CXCR5: variants seen among roughly 807,000 people sequenced by gnomAD.
CXCR5 encodes C-X-C chemokine receptor type 5.
CXCR5 carries 3 observed loss-of-function variants against 5.6 expected under a neutral mutation model. The ratio of observed to expected loss-of-function variants is 0.54; its 90% CI spans 0.24 to 1.39. The LOEUF (loss-of-function observed/expected upper bound fraction) is 1.39. Ranked by LOEUF, CXCR5 falls within the 40% of genes most tolerant of loss-of-function variation. The pLI is 0.16. For missense variants in CXCR5, 333 were observed against 494.6 expected, an observed-to-expected ratio of 0.67 and a Z score of 3.10; for synonymous variants, 218 against 219.9, an observed-to-expected ratio of 0.99 and a Z score of 0.08.
Position 118,894,090 on chromosome 11 carries a change from G to A in CXCR5, c.546G>A (p.Leu182=). ...GGCTGGTGGGCTTCCTCCTTGCCTTGCCAGAGATTCTCTTCGCCAAAGTCA... is the reference window on the plus strand; with the variant it reads ...GGCTGGTGGGCTTCCTCCTTGCCTTACCAGAGATTCTCTTCGCCAAAGTCA... ...TIWLVGFLLA[L]PEILFAKVSQ... The change falls in exon 2 of 2, where the codon TTG becomes TTA. Residue 182 remains leucine (L), a synonymous_variant. Coordinates refer to ENST00000292174, the MANE Select transcript of CXCR5 (RefSeq NM_001716.5). The surrounding 1 kb of genome is among the most constrained non-coding windows in gnomAD (Gnocchi z 6.1). 1 of 1,613,964 alleles carries A rather than the reference G, an allele frequency of 6.2e-7. No individual in the cohort carries two copies. Among genetic ancestry groups the A allele is most frequent in the Non-Finnish European group, 8.5e-7 (1 of 1,180,024 alleles).
chr11:118,891,617 C>T (rs1454875119), intron 1 of CXCR5, among the ~76,000 whole-genome samples: 12 of 151,850 alleles, frequency 7.9e-5, no homozygotes, highest in Admixed American at 7.9e-4. Flanking sequence ...GCCTGTAATC[C>T]CACCACTTTG....
In CXCR5 at chr11:118,894,498, C is replaced by T; in HGVS notation, c.954C>T (p.Asn318=). ...TGGGCCTGGCCCACTGCTGCCTCAA[C>T]CCCATGCTCTACACTTTCGCCGGCG... ...EFLGLAHCCL[N]PMLYTFAGVK... Residue 318 remains asparagine (N), a synonymous_variant, in exon 2 of 2, where the codon AAC becomes AAT. Transcript: ENST00000292174. This position sits in a 1 kb window ranked among gnomAD's most constrained non-coding sequence, Gnocchi z 6.1. 6.2e-7 allele frequency: 1 copy of T among 1,606,596 alleles called. No individual in the cohort carries two copies. Among genetic ancestry groups the T allele is most frequent in the Non-Finnish European group, 8.5e-7 (1 of 1,175,164 alleles).
chr11:118,886,659 G>A (rs1046475853), intron 1 of CXCR5: 7 of 297,936 alleles, frequency 2.3e-5, no homozygotes, highest in Non-Finnish European at 3.9e-5. Context: ...TGCGACCCTC[G>A]ATCTGAGAGC....
intron 1 of CXCR5, chr11:118,887,122 C>A (rs560798555): frequency 1.5e-5 from 7 of 474,884 alleles, no homozygotes; most frequent in Non-Finnish European, 1.9e-5. Context: ...GGGTCAGGGT[C>A]AAAGTGAATA....
chr11:118,892,855 A>C (rs1939834998), intron 1 of CXCR5, among the ~76,000 whole-genome samples: 1 of 152,060 alleles, frequency 6.6e-6, no homozygotes, highest in African/African-American at 2.4e-5. Context: ...TCCTAGCTGC[A>C]GGGAGGTTGC....
rs598207 is a variant in CXCR5 at position 118,894,558 on chromosome 11, G to A, written c.1014G>A (p.Thr338=). 8.3e-6 allele frequency: 13 copies of A among 1,561,256 alleles called. No homozygotes were observed. The highest frequency in any genetic ancestry group is 1.7e-4 in the Middle Eastern group (1 of 5,828). The stretch of plus-strand genomic sequence containing the variant: ...GCAGTGACCTGTCGCGGCTCCTGAC[G>A]AAGCTGGGCTGTACCGGCCCTGCCT... The part of the protein sequence containing the change: ...KFRSDLSRLL[T]KLGCTGPASL... The change falls in exon 2 of 2, where the codon ACG becomes ACA. Residue 338 remains threonine (T), a synonymous_variant. Coordinates refer to ENST00000292174, the MANE Select transcript of CXCR5 (RefSeq NM_001716.5). This position sits in a 1 kb window ranked among gnomAD's most constrained non-coding sequence, Gnocchi z 6.1.
chr11:118,889,044 G>C (rs543894481), intron 1 of CXCR5, among the ~76,000 whole-genome samples: 2 of 152,278 alleles, frequency 1.3e-5, no homozygotes, highest in East Asian at 3.9e-4. Flanking sequence ...TGGAGGGAAG[G>C]AGAAGAGTAA....
In CXCR5 at chr11:118,894,082, C is replaced by T. The variant is rs757384100; in HGVS notation, c.538C>T (p.Leu180Phe). ...GACCATCTGGCTGGTGGGCTTCCTC[C>T]TTGCCTTGCCAGAGATTCTCTTCGC... ...CGTIWLVGFL[L>F]ALPEILFAKV... The change falls in exon 2 of 2, where the codon CTT becomes TTT. Residue 180 changes from leucine (L) to phenylalanine (F), a missense_variant. Transcript: ENST00000292174. This position sits in a 1 kb window ranked among gnomAD's most constrained non-coding sequence, Gnocchi z 6.1. 1 of 1,614,036 alleles carries T rather than the reference C, an allele frequency of 6.2e-7. No individual in the cohort carries two copies. The highest frequency in any genetic ancestry group is 2.2e-5 in the East Asian group (1 of 44,876).
chr11:118,884,049 C>G, intron 1 of CXCR5, 57 bp downstream of exon 1: 2 of 1,560,160 alleles, frequency 1.3e-6, no homozygotes, highest in African/African-American at 2.7e-5. Context: ...TTCTAACATC[C>G]TTTGCCAGAG....
chr11:118,883,979 A>T lies in CXCR5; in HGVS notation c.38A>T (p.Asn13Ile). Residue 13 changes from asparagine to isoleucine, a missense_variant, in exon 1 of 2, where the codon AAC becomes ATC. Coordinates refer to ENST00000292174, the MANE Select transcript of CXCR5 (RefSeq NM_001716.5). The stretch of plus-strand genomic sequence containing the variant: ...CTAACGCTGGAAATGGACCTCGAGA[A>T]CCTGGAGGACCTGGTGAGTAGACAC... ...YPLTLEMDLE[N>I]LEDLFWELDR... 1 of 1,612,560 alleles carries T rather than the reference A, an allele frequency of 6.2e-7. No homozygotes were observed. Among genetic ancestry groups the T allele is most frequent in the Non-Finnish European group, 8.5e-7 (1 of 1,179,190 alleles).
At position 118,894,125 on chromosome 11, in the gene CXCR5, A is replaced by G; in HGVS notation, c.581A>G (p.His194Arg). ...CTCTTCGCCAAAGTCAGCCAAGGCC[A>G]TCACAACAACTCCCTGCCACGTTGC... ...EILFAKVSQG[H>R]HNNSLPRCTF... The change falls in exon 2 of 2, where the codon CAT (histidine) becomes CGT (arginine). Residue 194 changes from histidine (H) to arginine (R), a missense_variant. Coordinates refer to ENST00000292174, the MANE Select transcript of CXCR5 (RefSeq NM_001716.5). The surrounding 1 kb of genome is among the most constrained non-coding windows in gnomAD (Gnocchi z 6.1). 6.2e-7 allele frequency: 1 copy of G among 1,614,088 alleles called. No individual in the cohort carries two copies. The highest frequency in any genetic ancestry group is 8.5e-7 in the Non-Finnish European group (1 of 1,180,028).
chr11:118,893,655 C>T lies in CXCR5; in HGVS notation c.111C>T (p.Leu37=), dbSNP rs1381362884. 1 of 1,612,876 alleles carries T rather than the reference C, an allele frequency of 6.2e-7. No homozygotes were observed. The highest frequency in any genetic ancestry group is 8.5e-7 in the Non-Finnish European group (1 of 1,179,096). ...ACACCTCCCTGGTGGAAAATCATCT[C>T]TGCCCTGCCACAGAGGGGCCCCTCA... The part of the protein sequence containing the change: ...YNDTSLVENH[L]CPATEGPLMA... The change falls in exon 2 of 2, where the codon CTC becomes CTT. Residue 37 remains leucine (L), a synonymous_variant. Coordinates refer to ENST00000292174, the MANE Select transcript of CXCR5 (RefSeq NM_001716.5). The surrounding 1 kb of genome is among the most constrained non-coding windows in gnomAD (Gnocchi z 5.7).
intron 1 of CXCR5, chr11:118,887,707 T>G: frequency 6.6e-6 from 1 of 152,490 alleles, no homozygotes; most frequent in Non-Finnish European, 1.5e-5. Flanking sequence ...CAGCCCAGTC[T>G]CATTTCTCCA....
At chr11:118,884,048 C>T in intron 1 of CXCR5, 56 bp downstream of exon 1, 1 of 1,561,296 alleles carries the variant, frequency 6.4e-7, no homozygotes. Context: ...ATTCTAACAT[C>T]CTTTGCCAGA....
chr11:118,887,378 G>C (rs1343052943), intron 1 of CXCR5: 2 of 985,430 alleles, frequency 2.0e-6, no homozygotes, highest in East Asian at 2.3e-4. Flanking sequence ...CTGCATCTTG[G>C]ACTGTGTGAC....
chr11:118,892,518 G>A (rs1243878378), intron 1 of CXCR5, among the ~76,000 whole-genome samples: 2 of 152,140 alleles, frequency 1.3e-5, no homozygotes, highest in African/African-American at 4.8e-5. Context: ...GAATTGCCTG[G>A]GGAGGGGCTT....
intron 1 of CXCR5, among the ~76,000 whole-genome samples, chr11:118,892,383 G>A (rs1939824073): frequency 6.6e-6 from 1 of 152,124 alleles, no homozygotes; most frequent in Non-Finnish European, 1.5e-5. Context: ...CTCCTGAAAT[G>A]GGGGCACCAT....
At chr11:118,890,215 C>T (rs973709570) in intron 1 of CXCR5, among the ~76,000 whole-genome samples, 15 of 152,126 alleles carry the variant, frequency 9.9e-5, no homozygotes, top group African/African-American at 3.6e-4. Context: ...CGGAGTGAGT[C>T]CCTGCAGAGG....
At chr11:118,891,022 C>T (rs934786766) in intron 1 of CXCR5, among the ~76,000 whole-genome samples, 2 of 152,094 alleles carry the variant, frequency 1.3e-5, no homozygotes, top group African/African-American at 2.4e-5. Flanking sequence ...TATGGTCACA[C>T]GTATTAATAG....
Sources: allele counts gnomAD v4.1 joint callset (sites outside exome capture counted in the v4.1 genomes callset), GRCh38; gene constraint gnomAD v4.1.1; non-coding constraint Gnocchi (gnomAD v3.1); transcripts MANE v1.5; gene names NCBI Gene and HGNC (gene_info 2026-07-23, HGNC 2026-07-21).